Variants in FHL3 observed in about 807,000 individuals in gnomAD.
FHL3 encodes four and a half LIM domains protein 3.
FHL3 carries 21 observed loss-of-function variants against 34.3 expected under a neutral mutation model. The ratio of observed to expected loss-of-function variants is 0.61; its 90% CI spans 0.43 to 0.88. The LOEUF (loss-of-function observed/expected upper bound fraction) is 0.88. Among genes scored for constraint, FHL3 ranks in the 40% least tolerant of loss-of-function variants. The pLI, the probability that FHL3 is intolerant of heterozygous loss-of-function variation, is 0.00. For missense variants in FHL3, 333 were observed against 373.7 expected (o/e 0.89, Z 0.90); for synonymous variants, 137 against 144.6 (o/e 0.95, Z 0.38).
At chr1:38,001,970 G>A (rs1305130686) in intron 1 of FHL3, among the ~76,000 whole-genome samples, 1 of 152,140 alleles carries the variant, frequency 6.6e-6, no homozygotes, top group African/African-American at 2.4e-5. Flanking sequence ...GATGATACTT[G>A]TAAAGCACCT....
rs765127621 is a variant in FHL3, at chr1:37,997,870, T to A, written c.502A>T (p.Thr168Ser). 1 of 1,613,692 alleles carries A rather than the reference T, an allele frequency of 6.2e-7. No individual in the cohort carries two copies. The highest frequency in any genetic ancestry group is 8.5e-7 in the Non-Finnish European group (1 of 1,179,660). Residue 168 changes from threonine to serine, a missense_variant and splice_region_variant, in exon 5 of 6, where the codon ACG becomes TCG. Thr to Ser is a moderately conservative substitution (Grantham distance 58). Transcript: ENST00000373016. This position sits in a 1 kb window ranked among gnomAD's most constrained non-coding sequence, Gnocchi z 4.3. Reference protein sequence around the residue: ...FAPRCARCSKTLTQGGVTYRD... With the variant: ...FAPRCARCSKSLTQGGVTYRD... ...TATGTCACTCCACCCTGTGTCAGCG[T>A]CTGTGGGGGCAGCATCCATTAGTAG...
intron 1 of FHL3, among the ~76,000 whole-genome samples, chr1:38,000,965 G>C (rs970199065): frequency 1.3e-5 from 2 of 152,194 alleles, no homozygotes; most frequent in Non-Finnish European, 2.9e-5. Context: ...CCTGGCTCAA[G>C]CTGAAGGAGA....
chr1:38,003,383 C>T (rs1336303634), intron 1 of FHL3, among the ~76,000 whole-genome samples: 1 of 152,106 alleles, frequency 6.6e-6, no homozygotes, highest in Non-Finnish European at 1.5e-5. Context: ...GGGTTACAGG[C>T]GTGAGCCACT....
At chr1:38,002,032 C>T (rs1292687197) in intron 1 of FHL3, among the ~76,000 whole-genome samples, 2 of 152,058 alleles carry the variant, frequency 1.3e-5, no homozygotes, top group African/African-American at 2.4e-5. Flanking sequence ...TTACTATTAG[C>T]GCCCTCACTC....
chr1:38,005,147 C>CCCCCG (rs1381671132), intron 1 of FHL3, among the ~76,000 whole-genome samples: 3 of 151,814 alleles, frequency 2.0e-5, no homozygotes, highest in African/African-American at 4.8e-5. Flanking sequence ...GCCGCCCCCG[C>CCCCCG]CCCCGCCCCG....
At chr1:38,003,315 G>C (rs1646613892) in intron 1 of FHL3, among the ~76,000 whole-genome samples, 1 of 152,170 alleles carries the variant, frequency 6.6e-6, no homozygotes, top group Non-Finnish European at 1.5e-5. Context: ...TGTTGCCCAG[G>C]GTGGTCTTGA....
At chr1:38,000,174 C>T (rs1199689434) in intron 1 of FHL3, among the ~76,000 whole-genome samples, 9 of 152,242 alleles carry the variant, frequency 5.9e-5, no homozygotes, top group African/African-American at 2.2e-4. Context: ...GTCACACCAG[C>T]TTGGACAGCC....
At chr1:38,002,732 A>T (rs1464282636) in intron 1 of FHL3, among the ~76,000 whole-genome samples, 1 of 150,390 alleles carries the variant, frequency 6.6e-6, no homozygotes, top group East Asian at 2.0e-4. Context: ...GTAGAGATGG[A>T]GAGTTTCGCC....
rs1261304690 is a variant in FHL3, at chr1:37,997,664, TTCTTTGACCC to T, written c.688+10_688+19del. 36 of 1,613,756 alleles carry T rather than the reference TTCTTTGACCC, an allele frequency of 2.2e-5. No homozygotes were observed. The highest frequency in any genetic ancestry group is 3.1e-5 in the Non-Finnish European group (36 of 1,179,752). ...CCTTGCCTGCACCCTACCCACTCCGTTCTTTGACCCTTGTCCCACCTACGATGGGGCGCTT... is the reference window on the plus strand; with the variant it reads ...CCTTGCCTGCACCCTACCCACTCCGTTTGTCCCACCTACGATGGGGCGCTT... On this transcript the variant is annotated intron_variant, in intron 5 of 5. Coordinates refer to ENST00000373016, the MANE Select transcript of FHL3 (RefSeq NM_004468.5). This position sits in a 1 kb window ranked among gnomAD's most constrained non-coding sequence, Gnocchi z 4.3.
At chr1:37,999,762 T>G (rs1227610569) in intron 1 of FHL3, among the ~76,000 whole-genome samples, 2 of 152,152 alleles carry the variant, frequency 1.3e-5, no homozygotes, top group Non-Finnish European at 2.9e-5. Flanking sequence ...GCCTCCACTG[T>G]CCCGACTGTC....
intron 1 of FHL3, among the ~76,000 whole-genome samples, chr1:38,002,100 ATTT>A (rs11352792): frequency 7.0e-6 from 1 of 142,528 alleles, no homozygotes; most frequent in Non-Finnish European, 1.5e-5. Context: ...CTGGACTGGA[ATTT>A]TTTTTTTTTT....
At position 37,998,834 on chromosome 1, in the gene FHL3, T is replaced by A. The variant is rs111599398; in HGVS notation, c.331+140A>T. On this transcript the variant is annotated intron_variant, in intron 3 of 5. Coordinates refer to ENST00000373016, the MANE Select transcript of FHL3 (RefSeq NM_004468.5). ...CCCAGGAGTATACCAGGCAAACAGA[T>A]CCCGTATATACTAAATTTCCAGAAA... The A allele has an allele frequency of 1.1e-4, 91 of 827,096 alleles. 2 individuals are homozygous for A. In the African/African-American group the frequency reaches 1.3e-3, roughly 12 times the overall value. The allele number at this position is 827,096 out of a possible 1,614,324, so 51.2% of individuals were successfully genotyped here. A position where few individuals can be genotyped will look rare whatever the true frequency, so the allele number is the denominator to read the frequency against.
intron 2 of FHL3, 26 bp from the exon 3 acceptor site, chr1:37,999,174 G>C: frequency 1.2e-6 from 2 of 1,613,998 alleles, no homozygotes; most frequent in Middle Eastern, 1.6e-4. Flanking sequence ...CAGGGGCACT[G>C]GCACCCAGGC....
intron 1 of FHL3, among the ~76,000 whole-genome samples, chr1:38,001,443 C>G (rs897296070): frequency 6.6e-6 from 1 of 152,232 alleles, no homozygotes; most frequent in African/African-American, 2.4e-5. Flanking sequence ...GAGAGACAGT[C>G]AGCACTCCGA....
intron 3 of FHL3, 118 bp downstream of exon 3, chr1:37,998,856 G>C: frequency 9.3e-7 from 1 of 1,073,136 alleles, no homozygotes; most frequent in Non-Finnish European, 1.3e-6. Context: ...TAAATTTCCA[G>C]AAACATGCTG....
intron 1 of FHL3, among the ~76,000 whole-genome samples, chr1:38,002,028 T>G (rs751016274): frequency 1.3e-5 from 2 of 152,158 alleles, no homozygotes; most frequent in Non-Finnish European, 2.9e-5. Context: ...TATTTTACTA[T>G]TAGCGCCCTC....
chr1:37,997,141 A>C lies in FHL3; in HGVS notation c.*264T>G. ...TTTGGGGAGAGGACTCAGTCTGGGA[A>C]CCCAGACTGCAGGGGAGAGGGTGAA... On this transcript the variant is annotated 3_prime_UTR_variant, in exon 6 of 6. Coordinates refer to ENST00000373016, the MANE Select transcript of FHL3 (RefSeq NM_004468.5). This position sits in a 1 kb window ranked among gnomAD's most constrained non-coding sequence, Gnocchi z 4.3. The C allele has an allele frequency of 7.0e-6, 3 of 426,078 alleles. No homozygotes were observed. The highest frequency in any genetic ancestry group is 8.5e-6 in the Non-Finnish European group (2 of 234,044). The allele number at this position is 426,078 out of a possible 1,614,324, so 26.4% of individuals were successfully genotyped here.
chr1:37,997,807 T>G lies in FHL3; in HGVS notation c.565A>C (p.Thr189Pro), dbSNP rs755193773. Residue 189 changes from threonine to proline, a missense_variant, in exon 5 of 6, where the codon ACC becomes CCC. Transcript: ENST00000373016. This position sits in a 1 kb window ranked among gnomAD's most constrained non-coding sequence, Gnocchi z 4.3. ...QPWHRECLVC[T>P]GCQTPLAGQQ... ...CCTGCCAGGGGCGTCTGGCATCCGG[T>G]ACAGACCAGACATTCTCGATGCCAC... The G allele has an allele frequency of 1.2e-6, 2 of 1,614,100 alleles. No individual in the cohort carries two copies. The highest frequency in any genetic ancestry group is 1.7e-6 in the Non-Finnish European group (2 of 1,179,988).
At position 37,997,338 on chromosome 1, in the gene FHL3, T is replaced by A; in HGVS notation, c.*67A>T. 1 of 1,496,490 alleles carries A rather than the reference T, an allele frequency of 6.7e-7. No homozygotes were observed. Among genetic ancestry groups the A allele is most frequent in the East Asian group, 2.3e-5 (1 of 43,146 alleles). The allele number at this position is 1,496,490 out of a possible 1,614,324, so 92.7% of individuals were successfully genotyped here. On this transcript the variant is annotated 3_prime_UTR_variant, in exon 6 of 6. Transcript: ENST00000373016. This position sits in a 1 kb window ranked among gnomAD's most constrained non-coding sequence, Gnocchi z 4.3. ...GGCGGGGGGAGCTGAGTCCCAGAGGTGGTTTAGAAAAGGAGCCACAGTCCT... is the reference window on the plus strand; with the variant it reads ...GGCGGGGGGAGCTGAGTCCCAGAGGAGGTTTAGAAAAGGAGCCACAGTCCT...
Sources: allele counts gnomAD v4.1 joint callset (sites outside exome capture counted in the v4.1 genomes callset), GRCh38; gene constraint gnomAD v4.1.1; non-coding constraint Gnocchi (gnomAD v3.1); transcripts MANE v1.5; gene names NCBI Gene and HGNC (gene_info 2026-07-23, HGNC 2026-07-21).